The following CNTN5 variants were observed in gnomAD, a reference collection of about 807,000 sequenced individuals.
CNTN5 encodes contactin-5.
Under a neutral mutation model 129.1 loss-of-function variants are expected in CNTN5, and 77 were observed. The observed-to-expected ratio is 0.60, with a 90% CI of 0.50 to 0.72. CNTN5 has a LOEUF of 0.72. CNTN5 is among the 30% of genes least tolerant of loss of function. CNTN5 has a pLI of 0.00. For synonymous variants in CNTN5, 509 were observed against 465.6 expected, an observed-to-expected ratio of 1.09 and a Z score of -1.20; for missense variants, 1,478 against 1,328.8, an observed-to-expected ratio of 1.11 and a Z score of -1.75.
chr11:99,858,232 C>T (rs951595052), intron 6 of CNTN5, among the ~76,000 whole-genome samples: 1 of 151,954 alleles, frequency 6.6e-6, no homozygotes, highest in Admixed American at 6.6e-5. Flanking sequence ...ACAGAATAAC[C>T]AAAAATGTGT....
intron 7 of CNTN5, among the ~76,000 whole-genome samples, chr11:99,937,025 C>G (rs78296539): frequency 0.015 from 2,297 of 151,978 alleles, 24 homozygotes; most frequent in Non-Finnish European, 0.024. Context: ...AGGTAGGTCT[C>G]CATATTTTAT....
chr11:99,052,530 A>G (rs1864469563), intron 1 of CNTN5, among the ~76,000 whole-genome samples: 1 of 151,938 alleles, frequency 6.6e-6, no homozygotes, highest in Non-Finnish European at 1.5e-5. Flanking sequence ...AGTGTATAAG[A>G]TTTAGGTTTG....
intron 2 of CNTN5, among the ~76,000 whole-genome samples, chr11:99,336,769 A>C (rs1336297784): frequency 6.6e-6 from 1 of 152,038 alleles, no homozygotes; most frequent in East Asian, 1.9e-4. Flanking sequence ...CAGAGGTTGC[A>C]GTGAGCCTAG....
chr11:99,301,653 C>A (rs1455557167), intron 1 of CNTN5, among the ~76,000 whole-genome samples: 2 of 151,648 alleles, frequency 1.3e-5, no homozygotes, highest in African/African-American at 2.4e-5. Flanking sequence ...GAGAACATAA[C>A]CCCATTTTTA....
At chr11:100,351,806 A>AT (rs1952421746) in intron 24 of CNTN5, among the ~76,000 whole-genome samples, 2 of 151,574 alleles carry the variant, frequency 1.3e-5, no homozygotes, top group Non-Finnish European at 3.0e-5. Flanking sequence ...GCCAAGCAGA[A>AT]TTATCAACCT....
At chr11:99,837,227 T>G (rs1024353060) in intron 4 of CNTN5, among the ~76,000 whole-genome samples, 4 of 152,240 alleles carry the variant, frequency 2.6e-5, no homozygotes, top group Admixed American at 6.5e-5. Context: ...CTTTGTTTCT[T>G]AATGAAATTA....
intron 9 of CNTN5, among the ~76,000 whole-genome samples, chr11:100,016,303 G>A (rs987058698): frequency 6.6e-6 from 1 of 152,022 alleles, no homozygotes. Flanking sequence ...TATCATACAA[G>A]TAACATAAGT....
chr11:99,381,261 G>C (rs898713423), intron 2 of CNTN5, among the ~76,000 whole-genome samples: 1 of 152,134 alleles, frequency 6.6e-6, no homozygotes, highest in Admixed American at 6.5e-5. Context: ...TGAGGGAATG[G>C]GGGGAAGAGA....
At chr11:99,558,276 T>C (rs1434484011) in intron 3 of CNTN5, 2 of 432,856 alleles carry the variant, frequency 4.6e-6, no homozygotes, top group Non-Finnish European at 9.3e-6. Context: ...CATTTTCCTC[T>C]TGAACTTATA....
chr11:99,255,124 G>T (rs1862310104), intron 1 of CNTN5, among the ~76,000 whole-genome samples: 1 of 151,838 alleles, frequency 6.6e-6, no homozygotes, highest in East Asian at 1.9e-4. Context: ...AACATGTATA[G>T]GGTGAGTCAC....
At chr11:100,349,695 C>A (rs1411357127) in intron 23 of CNTN5, among the ~76,000 whole-genome samples, 1 of 151,580 alleles carries the variant, frequency 6.6e-6, no homozygotes, top group East Asian at 1.9e-4. Flanking sequence ...CTTATAATAC[C>A]AATTATGAAA....
intron 18 of CNTN5, among the ~76,000 whole-genome samples, chr11:100,274,630 C>T (rs1445754941): frequency 6.6e-6 from 1 of 152,180 alleles, no homozygotes; most frequent in African/African-American, 2.4e-5. Context: ...AAAAGCTCAA[C>T]ATCACTGATC....
chr11:99,712,935 T>G (rs71535545), intron 3 of CNTN5, among the ~76,000 whole-genome samples: 1 of 152,094 alleles, frequency 6.6e-6, no homozygotes, highest in African/African-American at 2.4e-5. Flanking sequence ...TTTTTCTTTT[T>G]GCTTAGGATT....
intron 2 of CNTN5, among the ~76,000 whole-genome samples, chr11:99,521,755 A>G (rs1947283614): frequency 6.6e-6 from 1 of 152,182 alleles, no homozygotes; most frequent in East Asian, 1.9e-4. Context: ...GGACAAGAAA[A>G]GCTAGAGCAT....
intron 2 of CNTN5, among the ~76,000 whole-genome samples, chr11:99,383,702 G>A (rs968564096): frequency 1.3e-5 from 2 of 151,846 alleles, no homozygotes; most frequent in Non-Finnish European, 2.9e-5. Flanking sequence ...ATTTCCCATG[G>A]CTATTATAAT....
intron 13 of CNTN5, among the ~76,000 whole-genome samples, chr11:100,094,679 A>G (rs567909094): frequency 2.0e-5 from 3 of 151,780 alleles, no homozygotes; most frequent in African/African-American, 7.2e-5. Flanking sequence ...GAAATGAAAG[A>G]AGAAAGAAAT....
intron 3 of CNTN5, among the ~76,000 whole-genome samples, chr11:99,734,444 T>C (rs561829660): frequency 6.6e-6 from 1 of 152,302 alleles, no homozygotes; most frequent in Non-Finnish European, 1.5e-5. Flanking sequence ...CAGGCCACCA[T>C]AAGTGTTTTT....
At chr11:100,105,646 A>G (rs369591940) in intron 13 of CNTN5, among the ~76,000 whole-genome samples, 37 of 152,140 alleles carry the variant, frequency 2.4e-4, no homozygotes, top group African/African-American at 8.4e-4. Context: ...TCTGCCTTTG[A>G]TGAGTATCCA....
intron 3 of CNTN5, among the ~76,000 whole-genome samples, chr11:99,795,807 T>A (rs917140614): frequency 6.6e-6 from 1 of 151,970 alleles, no homozygotes; most frequent in African/African-American, 2.4e-5. Flanking sequence ...CTGAGAGCAG[T>A]TATGAGGTCA....
Sources: allele counts gnomAD v4.1 joint callset (sites outside exome capture counted in the v4.1 genomes callset), GRCh38; gene constraint gnomAD v4.1.1; transcripts MANE v1.5; gene names NCBI Gene and HGNC (gene_info 2026-07-23, HGNC 2026-07-21).